The following TBC1D32 variants were observed in gnomAD, a reference collection of about 807,000 sequenced individuals.
The protein encoded by TBC1D32 is TBC1 domain family member 32.
In TBC1D32, 151 loss-of-function variants were observed where a neutral mutation model predicts 170.3. The ratio of observed to expected loss-of-function variants is 0.89; its 90% CI spans 0.78 to 1.01. The LOEUF is 1.01. TBC1D32 is among the 50% of genes least tolerant of loss of function. The pLI, the probability that TBC1D32 is intolerant of heterozygous loss-of-function variation, is 0.00. For synonymous variants in TBC1D32, 498 were observed against 488.0 expected (o/e 1.02, Z -0.27); for missense variants, 1,464 against 1,457.1 (o/e 1.00, Z -0.08).
At chr6:121,334,716 G>C (rs1811668547), upstream of TBC1D32, 1 of 436,438 alleles carries the variant, frequency 2.3e-6, no homozygotes. Flanking sequence ...AACAACAAAA[G>C]AGACATCAGG....
At chr6:121,179,040 A>G (rs113093742) in intron 22 of TBC1D32, among the ~76,000 whole-genome samples, 420 of 152,306 alleles carry the variant, frequency 2.8e-3, no homozygotes, top group Middle Eastern at 6.8e-3. Context: ...TTTAAGTCAC[A>G]AAGTTTATAG....
chr6:121,121,013 C>A (rs543056251), intron 26 of TBC1D32, among the ~76,000 whole-genome samples: 1 of 151,868 alleles, frequency 6.6e-6, no homozygotes, highest in East Asian at 1.9e-4. Context: ...AACTATAATA[C>A]GTTTCTTTGA....
intron 29 of TBC1D32, among the ~76,000 whole-genome samples, chr6:121,112,120 T>C (rs1779260402): frequency 6.6e-6 from 1 of 152,134 alleles, no homozygotes; most frequent in African/African-American, 2.4e-5. Flanking sequence ...ATAGTTACAA[T>C]ATCTTCCTAA....
intron 21 of TBC1D32, 30 bp downstream of exon 21, chr6:121,223,206 A>G: frequency 7.4e-7 from 1 of 1,359,630 alleles, no homozygotes; most frequent in South Asian, 1.4e-5. Flanking sequence ...AGCATTTATA[A>G]CAGAGAAAGA....
intron 15 of TBC1D32, among the ~76,000 whole-genome samples, chr6:121,261,976 CTCTGTGAA>C (rs1799825515): frequency 6.6e-6 from 1 of 152,060 alleles, no homozygotes; most frequent in Admixed American, 6.5e-5. Flanking sequence ...AACACGAAAA[CTCTGTGAA>C]TCATACACAA....
intron 2 of TBC1D32, among the ~76,000 whole-genome samples, chr6:121,319,560 C>A (rs1314785749): frequency 6.6e-6 from 1 of 152,088 alleles, no homozygotes; most frequent in Non-Finnish European, 1.5e-5. Context: ...AGTCCCTATC[C>A]CCTTAAAACT....
chr6:121,276,517 CA>C (rs150220381), intron 15 of TBC1D32, among the ~76,000 whole-genome samples: 1 of 151,386 alleles, frequency 6.6e-6, no homozygotes, highest in African/African-American at 2.4e-5. Flanking sequence ...GAGTAGAACA[CA>C]AAAAAAGGGC....
intron 21 of TBC1D32, among the ~76,000 whole-genome samples, chr6:121,210,590 C>A (rs1404462609): frequency 6.6e-6 from 1 of 152,134 alleles, no homozygotes; most frequent in African/African-American, 2.4e-5. Context: ...GATTCTCAGG[C>A]CTCAAACACA....
At chr6:121,261,088 G>C (rs146307872) in intron 15 of TBC1D32, among the ~76,000 whole-genome samples, 1 of 152,240 alleles carries the variant, frequency 6.6e-6, no homozygotes, top group East Asian at 1.9e-4. Flanking sequence ...TCTCCCTACA[G>C]GAACTCCAAC....
intron 20 of TBC1D32, among the ~76,000 whole-genome samples, chr6:121,236,211 G>C (rs1440457414): frequency 6.6e-6 from 1 of 151,144 alleles, no homozygotes. Flanking sequence ...AGGAAGTACT[G>C]TCCAATAGAA....
At chr6:121,311,033 C>T (rs1224769786) in intron 3 of TBC1D32, among the ~76,000 whole-genome samples, 186 bp from the exon 4 acceptor site, 1 of 151,978 alleles carries the variant, frequency 6.6e-6, no homozygotes, top group Non-Finnish European at 1.5e-5. Flanking sequence ...ACTGAATGTC[C>T]CAGTAGAAAG....
rs781074483 is a variant in TBC1D32, at chr6:121,298,670, T to C, written c.1140+776A>G. ...CTATTATTCAATATCCCTCTCTTCT[T>C]CTGCTGCTCAATTCTCTGGATTCTC... On this transcript the variant is annotated intron_variant, in intron 10 of 31. Coordinates refer to ENST00000398212, the MANE Select transcript of TBC1D32 (RefSeq NM_152730.6). Among the ~76,000 whole-genome samples the C allele has an allele frequency of 2.0e-5, 3 of 152,092 alleles. No homozygotes were observed. In the South Asian group the frequency reaches 6.2e-4, roughly 31 times the overall value.
intron 24 of TBC1D32, among the ~76,000 whole-genome samples, chr6:121,138,946 G>A (rs746109816): frequency 5.9e-5 from 9 of 151,530 alleles, no homozygotes; most frequent in Admixed American, 1.3e-4. Flanking sequence ...CCGGGTTCAC[G>A]CCATTCTCCT....
At chr6:121,223,432 A>G in intron 20 of TBC1D32, 80 bp from the exon 21 acceptor site, 3 of 936,830 alleles carry the variant, frequency 3.2e-6, no homozygotes, top group South Asian at 1.5e-5. Flanking sequence ...GTAGTTTCCT[A>G]TCTGTATGAC....
intron 15 of TBC1D32, among the ~76,000 whole-genome samples, chr6:121,271,859 C>T (rs1188541736): frequency 1.3e-5 from 2 of 152,138 alleles, no homozygotes; most frequent in Non-Finnish European, 1.5e-5. Context: ...TCAAACTGTA[C>T]TACAAGGCTA....
At chr6:121,138,615 C>T (rs1205967774) in intron 24 of TBC1D32, among the ~76,000 whole-genome samples, 2 of 152,022 alleles carry the variant, frequency 1.3e-5, no homozygotes, top group African/African-American at 4.8e-5. Flanking sequence ...TTACCTTTAT[C>T]TGCAGAAAAT....
intron 22 of TBC1D32, among the ~76,000 whole-genome samples, chr6:121,182,182 G>A (rs751008229): frequency 1.3e-5 from 2 of 151,978 alleles, no homozygotes; most frequent in Non-Finnish European, 2.9e-5. Flanking sequence ...ACAGAGTCAT[G>A]ACCAACAAAT....
At chr6:121,176,052 A>C (rs1290041599) in intron 22 of TBC1D32, among the ~76,000 whole-genome samples, 2 of 152,208 alleles carry the variant, frequency 1.3e-5, no homozygotes, top group Non-Finnish European at 2.9e-5. Flanking sequence ...CAAATATCCC[A>C]GTCTTTATGG....
chr6:121,198,237 A>T (rs1346162684), intron 22 of TBC1D32, among the ~76,000 whole-genome samples: 1 of 23,042 alleles, frequency 4.3e-5, no homozygotes. Flanking sequence ...ATATATATAA[A>T]TATATATATT....
Sources: allele counts gnomAD v4.1 joint callset (sites outside exome capture counted in the v4.1 genomes callset), GRCh38; gene constraint gnomAD v4.1.1; transcripts MANE v1.5; gene names NCBI Gene and HGNC (gene_info 2026-07-23, HGNC 2026-07-21).